TTC23L: variants seen among roughly 807,000 people sequenced by gnomAD.
TTC23L encodes tetratricopeptide repeat protein 23-like.
Under a neutral mutation model 48.1 loss-of-function variants are expected in TTC23L, and 42 were observed. The ratio of observed to expected loss-of-function variants is 0.87; its 90% CI spans 0.68 to 1.13. TTC23L has a LOEUF of 1.13. Ranked by LOEUF, TTC23L falls within the 50% of genes most tolerant of loss-of-function variation. The pLI is 0.00. For missense variants in TTC23L, 391 were observed against 421.0 expected, an observed-to-expected ratio of 0.93 and a Z score of 0.62; for synonymous variants, 159 against 157.2, an observed-to-expected ratio of 1.01 and a Z score of -0.09.
At chr5:34,922,900 C>T in the TTC23L span, 1 of 1,215,682 alleles carries the variant, frequency 8.2e-7, no homozygotes, top group Non-Finnish European at 1.2e-6. Flanking sequence ...CTTTCAGGTA[C>T]ATTTATAATG....
chr5:34,916,628 A>G, the TTC23L span: 1 of 152,266 alleles, frequency 6.6e-6, no homozygotes, highest in Non-Finnish European at 1.5e-5. Flanking sequence ...CATTCAACTA[A>G]GAACTCTTCT....
chr5:34,877,361 C>CTTTTTT (rs796888113), intron 8 of TTC23L, among the ~76,000 whole-genome samples: 2 of 121,096 alleles, frequency 1.7e-5, no homozygotes, highest in African/African-American at 3.0e-5. Context: ...CACCATTGTT[C>CTTTTTT]TTTTTTTTTT....
At chr5:34,892,231 C>G (rs1038291267) in intron 9 of TTC23L, among the ~76,000 whole-genome samples, 1 of 152,212 alleles carries the variant, frequency 6.6e-6, no homozygotes, top group African/African-American at 2.4e-5. Flanking sequence ...TCCGGAAACT[C>G]GTTGACTACA....
intron 7 of TTC23L, 106 bp downstream of exon 7, chr5:34,867,175 T>C (rs1158548107): frequency 1.7e-6 from 2 of 1,206,238 alleles, no homozygotes; most frequent in Non-Finnish European, 2.4e-6. Flanking sequence ...GGGCTGGAAT[T>C]GATTCTGTTT....
the TTC23L span, chr5:34,918,522 C>A: frequency 1.9e-6 from 2 of 1,079,830 alleles, no homozygotes; most frequent in Non-Finnish European, 2.6e-6. Flanking sequence ...ATAAACTTAC[C>A]TATTTTTATG....
the TTC23L span, chr5:34,925,010 A>G: frequency 1.3e-6 from 2 of 1,589,292 alleles, no homozygotes; most frequent in Non-Finnish European, 1.7e-6. Flanking sequence ...TCTTCAATGT[A>G]CCAGAACCCT....
rs1270090170 is a variant in TTC23L at position 34,856,876 on chromosome 5, A to G, written c.380-6022A>G. 2.6e-5 allele frequency among the ~76,000 whole-genome samples: 4 copies of G among 152,212 alleles called. No individual in the cohort carries two copies. In the East Asian group the frequency reaches 5.8e-4, roughly 22 times the overall value. On this transcript the variant is annotated intron_variant, in intron 4 of 10. Transcript: ENST00000505624. ...GGGACCTCAGAAGAACAGTTTCCCC[A>G]TAGTGGTTGGAGGAGAAGCCAGATC...
the TTC23L span, chr5:34,911,683 T>C: frequency 6.2e-7 from 1 of 1,614,154 alleles, no homozygotes. Context: ...GCTGCAGAAA[T>C]CAAAGTCCAG....
intron 4 of TTC23L, among the ~76,000 whole-genome samples, chr5:34,854,326 A>G (rs1484470515): frequency 6.6e-6 from 1 of 152,048 alleles, no homozygotes; most frequent in African/African-American, 2.4e-5. Context: ...TTGAACCCAG[A>G]TTTTCTGATA....
At chr5:34,907,138 C>T in the TTC23L span, 1 of 152,194 alleles carries the variant, frequency 6.6e-6, no homozygotes, top group Non-Finnish European at 1.5e-5. Context: ...GAGTAGCCTC[C>T]TTGCAGCACA....
chr5:34,913,720 A>G, the TTC23L span: 1 of 603,808 alleles, frequency 1.7e-6, no homozygotes, highest in South Asian at 2.1e-5. Flanking sequence ...CAATCAAAAC[A>G]TCTTAGAGAC....
At chr5:34,908,960 A>G in the TTC23L span, 13 of 1,592,302 alleles carry the variant, frequency 8.2e-6, no homozygotes, top group Non-Finnish European at 1.1e-5. Context: ...TGTAGAAGAA[A>G]AAATAAAACG....
intron 4 of TTC23L, among the ~76,000 whole-genome samples, chr5:34,854,048 C>G (rs1759904755): frequency 6.6e-6 from 1 of 152,224 alleles, no homozygotes; most frequent in African/African-American, 2.4e-5. Context: ...TAATGAGCCA[C>G]AAACTGCCTT....
intron 9 of TTC23L, among the ~76,000 whole-genome samples, 173 bp downstream of exon 9, chr5:34,880,481 T>G (rs1762153041): frequency 6.6e-6 from 1 of 152,198 alleles, no homozygotes; most frequent in Non-Finnish European, 1.5e-5. Flanking sequence ...TTTTTCAGAT[T>G]GGTTTCATTC....
At chr5:34,908,937 G>A in the TTC23L span, 1 of 1,606,144 alleles carries the variant, frequency 6.2e-7, no homozygotes, top group Non-Finnish European at 8.5e-7. Flanking sequence ...TTTCAGTAAG[G>A]AAATCTTGTA....
At chr5:34,887,880 T>A (rs1223780993) in intron 9 of TTC23L, among the ~76,000 whole-genome samples, 1 of 152,192 alleles carries the variant, frequency 6.6e-6, no homozygotes, top group Non-Finnish European at 1.5e-5. Flanking sequence ...ATTGTAAGGA[T>A]TTACCATGTT....
chr5:34,891,914 T>C (rs1762889365), intron 9 of TTC23L, among the ~76,000 whole-genome samples: 1 of 152,226 alleles, frequency 6.6e-6, no homozygotes, highest in Admixed American at 6.5e-5. Flanking sequence ...TGGAAATTAA[T>C]TTTTCTTTCT....
intron 9 of TTC23L, among the ~76,000 whole-genome samples, chr5:34,886,479 T>C (rs560330736): frequency 6.6e-6 from 1 of 152,022 alleles, no homozygotes; most frequent in South Asian, 2.1e-4. Context: ...TGGCTGAAAC[T>C]TTTCATAATA....
chr5:34,924,889 T>G, the TTC23L span: 3 of 1,608,484 alleles, frequency 1.9e-6, no homozygotes, highest in Non-Finnish European at 2.6e-6. Context: ...AGGACCTCGT[T>G]TTGTCTTAAA....
Sources: allele counts gnomAD v4.1 joint callset (sites outside exome capture counted in the v4.1 genomes callset), GRCh38; gene constraint gnomAD v4.1.1; transcripts MANE v1.5; gene names NCBI Gene and HGNC (gene_info 2026-07-23, HGNC 2026-07-21).